The following HNF4G variants were observed in gnomAD, a reference collection of about 807,000 sequenced individuals.
HNF4G encodes the protein hepatocyte nuclear factor 4-gamma.
Under a neutral mutation model 50.9 loss-of-function variants are expected in HNF4G, and 21 were observed. The observed-to-expected ratio is 0.41, with a 90% CI of 0.29 to 0.59. HNF4G has a LOEUF of 0.59. Among genes scored for constraint, HNF4G ranks in the 20% least tolerant of loss-of-function variants. HNF4G has a pLI of 0.26. For missense variants in HNF4G, 527 were observed against 559.4 expected (o/e 0.94, Z 0.58); for synonymous variants, 198 against 185.6 (o/e 1.07, Z -0.54).
rs143611989 is a variant in HNF4G, at chr8:75,563,386, G to A, written c.1247-589G>A. On this transcript the variant is annotated intron_variant, in intron 9 of 9. Transcript: ENST00000396423. ...CTCAGGCTTGCTCTTTGCATCAAAG[G>A]GGATGCGACAGGCAAGCTCGATTGT... Among the ~76,000 whole-genome samples the A allele has an allele frequency of 5.1e-3, 769 of 151,348 alleles. 9 individuals are homozygous for A. Among genetic ancestry groups the A allele is most frequent in the African/African-American group, 0.017 (721 of 41,308 alleles).
intron 2 of HNF4G, among the ~76,000 whole-genome samples, chr8:75,544,862 G>C (rs1806728838): frequency 6.6e-6 from 1 of 152,074 alleles, no homozygotes; most frequent in African/African-American, 2.4e-5. Flanking sequence ...TTTAAGAACA[G>C]ATTGGACATT....
Position 75,551,546 on chromosome 8 carries a change from T to TGTA in HNF4G, c.489+54_489+56dup. On this transcript the variant is annotated intron_variant, in intron 4 of 9. Coordinates refer to ENST00000396423, the MANE Select transcript of HNF4G (RefSeq NM_004133.5). ...CCTATTTAATAAAATCAAATGTCCA[T>TGTA]GTAGGCATCATGCTAAAATAATCTA... 2.9e-6 allele frequency: 3 copies of TGTA among 1,037,136 alleles called. No individual in the cohort carries two copies. In the South Asian group the frequency reaches 3.8e-5, roughly 13 times the overall value. The allele number at this position is 1,037,136 out of a possible 1,614,324, so 64.2% of individuals were successfully genotyped here.
chr8:75,445,434 C>T (rs369974104), intron 1 of HNF4G, among the ~76,000 whole-genome samples: 232 of 10,378 alleles, frequency 0.022, 2 homozygotes, highest in South Asian at 0.041. Context: ...AAAATCAGAG[C>T]AGAACTGAAG....
At chr8:75,466,636 C>CTCCCTTCCCTTCCCT (rs368808035) in intron 1 of HNF4G, among the ~76,000 whole-genome samples, 27 of 38,724 alleles carry the variant, frequency 7.0e-4, no homozygotes, top group Admixed American at 1.5e-3. Flanking sequence ...TTCCTTCCTT[C>CTCCCTTCCCTTCCCT]TCCCTTCCCT....
At chr8:75,409,504 TC>T (rs1206178350) in intron 1 of HNF4G, among the ~76,000 whole-genome samples, 15 of 118,342 alleles carry the variant, frequency 1.3e-4, no homozygotes, top group East Asian at 2.4e-4. Flanking sequence ...TTTTTTTTTT[TC>T]CGAGATGAAG....
chr8:75,462,412 G>T (rs921055401), intron 1 of HNF4G, among the ~76,000 whole-genome samples: 1 of 152,130 alleles, frequency 6.6e-6, no homozygotes, highest in Non-Finnish European at 1.5e-5. Flanking sequence ...GCTGAATAGG[G>T]TGTACAGAGT....
chr8:75,491,936 G>T (rs1812643393), intron 2 of HNF4G, among the ~76,000 whole-genome samples: 1 of 152,188 alleles, frequency 6.6e-6, no homozygotes, highest in South Asian at 2.1e-4. Context: ...CAAACAAGTG[G>T]TTTTAGACAG....
chr8:75,492,305 G>A (rs73345055), intron 2 of HNF4G, among the ~76,000 whole-genome samples: 50 of 152,248 alleles, frequency 3.3e-4, no homozygotes, highest in African/African-American at 1.0e-3. Flanking sequence ...CCTAAGTAGT[G>A]TCTGAGATCA....
At chr8:75,544,516 A>T (rs952888497) in intron 2 of HNF4G, among the ~76,000 whole-genome samples, 1 of 152,162 alleles carries the variant, frequency 6.6e-6, no homozygotes, top group African/African-American at 2.4e-5. Flanking sequence ...AATGAGTGAA[A>T]TTTAATTTTC....
At chr8:75,458,952 C>T (rs565761241) in intron 1 of HNF4G, among the ~76,000 whole-genome samples, 13 of 152,186 alleles carry the variant, frequency 8.5e-5, no homozygotes, top group East Asian at 5.8e-4. Flanking sequence ...CAGTAATGGT[C>T]TTTATCTCAG....
Position 75,435,645 on chromosome 8 carries a change from G to A in HNF4G, c.-144+27483G>A, listed in dbSNP as rs112436936. On this transcript the variant is annotated intron_variant, in intron 1 of 10. Coordinates refer to the HNF4G transcript ENST00000354370. Reference sequence around the variant, plus strand: ...GTCTCACTCTGTCACCCAGGCTGGAGTGCAGTGGCATGATCTGGGCTCACT... The same window carrying A: ...GTCTCACTCTGTCACCCAGGCTGGAATGCAGTGGCATGATCTGGGCTCACT... 2.8e-3 allele frequency among the ~76,000 whole-genome samples: 424 copies of A among 152,260 alleles called. 6 individuals are homozygous for A. Among genetic ancestry groups the A allele is most frequent in the African/African-American group, 9.8e-3 (406 of 41,568 alleles).
Position 75,464,945 on chromosome 8 carries a change from A to G in HNF4G, c.-143-25144A>G, listed in dbSNP as rs1358627093. On this transcript the variant is annotated intron_variant, in intron 1 of 10. Transcript: ENST00000354370. ...GGGAGAGGAAAAGGAATGAGGCATG[A>G]TGTAAAGGGTGGTAAACCTTGTTTT... Among the ~76,000 whole-genome samples the G allele has an allele frequency of 2.0e-5, 3 of 152,322 alleles. No individual in the cohort carries two copies. The East Asian group carries it at 5.8e-4, about 29-fold the overall frequency.
intron 5 of HNF4G, 124 bp from the exon 6 acceptor site, chr8:75,555,858 A>G: frequency 2.2e-6 from 1 of 461,018 alleles, no homozygotes; most frequent in Non-Finnish European, 3.9e-6. Context: ...TGTATCTATG[A>G]ATACTATAGT....
chr8:75,539,948 T>C lies in HNF4G; in HGVS notation c.-15T>C, dbSNP rs537761077. The C allele has an allele frequency of 1.3e-3, 1,507 of 1,153,806 alleles. 23 individuals are homozygous for C. The South Asian group carries it at 0.018, about 14-fold the overall frequency. 71.5% of individuals were successfully genotyped at this position (1,153,806 alleles called of 1,614,324 possible). On this transcript the variant is annotated 5_prime_UTR_variant, in exon 1 of 10. Coordinates refer to ENST00000396423, the MANE Select transcript of HNF4G (RefSeq NM_004133.5). ...CTGGGCTTGTGGTGCCACTTGTATG[T>C]GTGTTTCTAAATCAATGATGAGGGT...
chr8:75,448,138 A>G (rs1481965544), intron 1 of HNF4G, among the ~76,000 whole-genome samples: 1 of 127,070 alleles, frequency 7.9e-6, no homozygotes, highest in Non-Finnish European at 1.6e-5. Context: ...TTGTAGGGAC[A>G]TGGATGAAAT....
At chr8:75,501,074 T>TA (rs1354098793) in intron 2 of HNF4G, among the ~76,000 whole-genome samples, 1 of 151,874 alleles carries the variant, frequency 6.6e-6, no homozygotes, top group African/African-American at 2.4e-5. Context: ...GAAATTGTAA[T>TA]AAAAAAGACT....
rs555090122 is a variant in HNF4G, at chr8:75,483,265, A to T, written c.-143-6824A>T. 2.4e-3 allele frequency among the ~76,000 whole-genome samples: 338 copies of T among 143,506 alleles called. 1 individual carries two copies. Among genetic ancestry groups the T allele is most frequent in the Non-Finnish European group, 3.8e-3 (248 of 65,938 alleles). The allele number at this position is 143,506 out of a possible 152,430, so 94.1% of individuals were successfully genotyped here. A position where few individuals can be genotyped will look rare whatever the true frequency, so the allele number is the denominator to read the frequency against. ...AAATAAGTCACTTAATTTTTTTTTT[A>T]AATTTTATCTTAATAAATTAGTCAA... On this transcript the variant is annotated intron_variant, in intron 1 of 10. Coordinates refer to the HNF4G transcript ENST00000354370.
intron 2 of HNF4G, among the ~76,000 whole-genome samples, chr8:75,532,812 G>A (rs1806363453): frequency 6.6e-6 from 1 of 152,044 alleles, no homozygotes; most frequent in African/African-American, 2.4e-5. Flanking sequence ...CAGTATCAGG[G>A]CTACACCTCT....
intron 1 of HNF4G, among the ~76,000 whole-genome samples, chr8:75,412,827 C>A (rs1021751729): frequency 6.6e-6 from 1 of 151,862 alleles, no homozygotes; most frequent in African/African-American, 2.4e-5. Flanking sequence ...CTACACGGTA[C>A]CTGGAATACA....
Sources: gnomAD v4.1 joint callset for allele counts (sites outside exome capture counted in the v4.1 genomes callset) on GRCh38, gnomAD v4.1.1 for gene constraint, MANE v1.5 for transcripts, NCBI Gene and HGNC (gene_info 2026-07-23, HGNC 2026-07-21) for gene names.